Variants in SUMF1 observed in about 807,000 individuals in gnomAD.
SUMF1 encodes the protein formylglycine-generating enzyme.
Under a neutral mutation model 47.6 loss-of-function variants are expected in SUMF1, and 48 were observed. The observed-to-expected ratio is 1.01, with a 90% CI of 0.80 to 1.28. The LOEUF is 1.28. Among genes scored for constraint, SUMF1 ranks in the 50% most tolerant of loss-of-function variants. SUMF1 has a pLI of 0.00. For missense variants in SUMF1, 571 were observed against 485.4 expected, an observed-to-expected ratio of 1.18 and a Z score of -1.66; for synonymous variants, 230 against 192.1, an observed-to-expected ratio of 1.20 and a Z score of -1.63.
At chr3:4,298,058 C>T (rs1697889225) in intron 8 of SUMF1, among the ~76,000 whole-genome samples, 1 of 151,972 alleles carries the variant, frequency 6.6e-6, no homozygotes, top group Non-Finnish European at 1.5e-5. Context: ...TTTTTTATTA[C>T]TGATCAGATT....
intron 8 of SUMF1, among the ~76,000 whole-genome samples, chr3:4,222,588 C>G (rs1364506123): frequency 6.6e-6 from 1 of 151,946 alleles, no homozygotes; most frequent in African/African-American, 2.4e-5. Context: ...GTTCCTAGCT[C>G]TCTACCCGGA....
chr3:4,348,308 T>C (rs879461859), intron 8 of SUMF1, among the ~76,000 whole-genome samples: 3 of 152,204 alleles, frequency 2.0e-5, no homozygotes, highest in Non-Finnish European at 4.4e-5. Context: ...CAAAACAGCA[T>C]GGTACTGGTA....
At chr3:4,146,699 A>T (rs1172036888) in intron 8 of SUMF1, among the ~76,000 whole-genome samples, 4 of 86,254 alleles carry the variant, frequency 4.6e-5, no homozygotes, top group African/African-American at 1.4e-4. Flanking sequence ...CCCCCACCCC[A>T]CAACAGGCCC....
Position 4,260,592 on chromosome 3 carries a change from T to A in SUMF1, c.1014+115738A>T, listed in dbSNP as rs78191693. On this transcript the variant is annotated intron_variant and NMD_transcript_variant, in intron 8 of 12. Transcript: ENST00000448413. ...TATTTGTAGAAGAATTCTGAACAGA[T>A]GCTGGCTATGGTGACACCTGTGGTC... is the stretch of plus-strand genomic sequence containing the variant. Among the ~76,000 whole-genome samples, 124 of 152,242 alleles carry A rather than the reference T, an allele frequency of 8.1e-4. 1 individual carries two copies. The East Asian group carries it at 0.018, about 23-fold the overall frequency.
rs1240853331 is a variant in SUMF1, at chr3:4,117,313, CT to C, written c.1015-48569del. ...TAGGGCCATGGACCTCCCTTTCCAT[CT>C]TTCAAATGAGTTACAGAATACAACA... On this transcript the variant is annotated intron_variant and NMD_transcript_variant, in intron 8 of 12. Coordinates refer to the SUMF1 transcript ENST00000448413. Among the ~76,000 whole-genome samples, 10 of 152,036 alleles carry C rather than the reference CT, an allele frequency of 6.6e-5. 1 individual carries two copies. The highest frequency in any genetic ancestry group is 2.4e-4 in the African/African-American group (10 of 41,434).
In SUMF1 at chr3:4,420,543, C is replaced by G. The variant is rs186593710; in HGVS notation, c.520-397G>C. Among the ~76,000 whole-genome samples the G allele has an allele frequency of 1.3e-5, 2 of 151,868 alleles. 1 individual carries two copies. The highest frequency in any genetic ancestry group is 4.1e-4 in the South Asian group (2 of 4,820). On this transcript the variant is annotated intron_variant, in intron 3 of 8. Transcript: ENST00000272902. ...TCCCGAGTAGCTGGGACTACAGGCACGTGCCAGCAAGCCCAGCGAATTTTT... is the reference window on the plus strand; with the variant it reads ...TCCCGAGTAGCTGGGACTACAGGCAGGTGCCAGCAAGCCCAGCGAATTTTT...
chr3:4,287,183 C>G (rs980801288), intron 8 of SUMF1, among the ~76,000 whole-genome samples: 9 of 151,982 alleles, frequency 5.9e-5, no homozygotes, highest in Non-Finnish European at 1.0e-4. Flanking sequence ...TACTGGTAGA[C>G]AGAACAACAC....
At chr3:4,220,700 C>G (rs540989463) in intron 8 of SUMF1, among the ~76,000 whole-genome samples, 2 of 152,234 alleles carry the variant, frequency 1.3e-5, no homozygotes, top group East Asian at 3.9e-4. Context: ...AGTTTTACCA[C>G]AGACTTGCTA....
At chr3:4,112,394 A>C (rs1693328531) in intron 8 of SUMF1, among the ~76,000 whole-genome samples, 1 of 152,160 alleles carries the variant, frequency 6.6e-6, no homozygotes, top group Non-Finnish European at 1.5e-5. Flanking sequence ...GGTCCCTTCC[A>C]ATAAAAGAGT....
intron 8 of SUMF1, among the ~76,000 whole-genome samples, chr3:4,097,856 C>G (rs1692940908): frequency 6.6e-6 from 1 of 152,118 alleles, no homozygotes. Context: ...AGCTATCCAT[C>G]AGACTGACAG....
intron 8 of SUMF1, among the ~76,000 whole-genome samples, chr3:4,175,779 T>C (rs567710648): frequency 6.6e-6 from 1 of 152,082 alleles, no homozygotes. Flanking sequence ...ACAAGGAAGC[T>C]AAAAGCCTTG....
At chr3:4,342,793 C>T (rs1002594257) in intron 8 of SUMF1, among the ~76,000 whole-genome samples, 2 of 152,182 alleles carry the variant, frequency 1.3e-5, no homozygotes, top group African/African-American at 4.8e-5. Flanking sequence ...CTACCAATAT[C>T]TGCAGTCACA....
In SUMF1 at chr3:4,467,177, C is replaced by G. The variant is rs1044690185; in HGVS notation, c.69G>C (p.Leu23=). The change falls in exon 1 of 9, where the codon CTG becomes CTC. Residue 23 remains leucine (L), a synonymous_variant. Transcript: ENST00000272902. ...CPELGLVLLL[L]LLSLLCGAAG... ...CCGCTCCACACAGCAGCGAGAGCAGCAGCAGCAAGAGGACGAGACCCAGCT... is the reference window on the plus strand; with the variant it reads ...CCGCTCCACACAGCAGCGAGAGCAGGAGCAGCAAGAGGACGAGACCCAGCT... 9.9e-6 allele frequency: 16 copies of G among 1,609,072 alleles called. No individual in the cohort carries two copies. Among genetic ancestry groups the G allele is most frequent in the Non-Finnish European group, 1.4e-5 (16 of 1,178,372 alleles).
At chr3:4,045,824 A>G (rs74600575) in intron 9 of SUMF1, among the ~76,000 whole-genome samples, 2,468 of 152,268 alleles carry the variant, frequency 0.016, 82 homozygotes, top group African/African-American at 0.057. Flanking sequence ...AGGGATAGGT[A>G]TCAGAAGTCA....
intron 8 of SUMF1, among the ~76,000 whole-genome samples, chr3:4,234,702 G>T (rs565370043): frequency 1.3e-5 from 2 of 152,204 alleles, no homozygotes; most frequent in Admixed American, 6.5e-5. Context: ...AGTATTTGGG[G>T]AGAAGGGAAT....
chr3:4,367,210 T>C (rs1405819131), intron 8 of SUMF1, among the ~76,000 whole-genome samples: 1 of 152,196 alleles, frequency 6.6e-6, no homozygotes, highest in African/African-American at 2.4e-5. Flanking sequence ...CATTCTCAGA[T>C]CTCCAGCTGC....
At chr3:4,153,499 A>G (rs1694383541) in intron 8 of SUMF1, among the ~76,000 whole-genome samples, 1 of 146,542 alleles carries the variant, frequency 6.8e-6, no homozygotes, top group Non-Finnish European at 1.5e-5. Flanking sequence ...TACAGGTGTG[A>G]GCCACAATGC....
intron 8 of SUMF1, among the ~76,000 whole-genome samples, chr3:4,295,579 G>A (rs1697833709): frequency 1.3e-5 from 2 of 152,104 alleles, no homozygotes; most frequent in African/African-American, 4.8e-5. Flanking sequence ...AGGTCAAACT[G>A]CAAACAAAGC....
In SUMF1 at chr3:4,165,268, G is replaced by C. The variant is rs570937947; in HGVS notation, c.1015-96523C>G. Among the ~76,000 whole-genome samples, 245 of 152,136 alleles carry C rather than the reference G, an allele frequency of 1.6e-3. 1 individual carries two copies. The highest frequency in any genetic ancestry group is 6.8e-3 in the Middle Eastern group (2 of 294). On this transcript the variant is annotated intron_variant and NMD_transcript_variant, in intron 8 of 12. Coordinates refer to the SUMF1 transcript ENST00000448413. ...GAAGATTTGCCCTAGGTCTACCTTG[G>C]CAAGATCAGGTCTACCTTGATCTGC...
Sources: gnomAD v4.1 joint callset for allele counts (sites outside exome capture counted in the v4.1 genomes callset) on GRCh38, gnomAD v4.1.1 for gene constraint, MANE v1.5 for transcripts, NCBI Gene and HGNC (gene_info 2026-07-23, HGNC 2026-07-21) for gene names.